SCN8A: variants seen among roughly 807,000 people sequenced by gnomAD.
The protein encoded by SCN8A is sodium channel protein type 8 subunit alpha.
In SCN8A, 30 loss-of-function variants were observed where a neutral mutation model predicts 184.1. The observed-to-expected ratio is 0.16, with a 90% CI of 0.12 to 0.22. SCN8A has a LOEUF of 0.22. SCN8A is among the 10% of genes least tolerant of loss of function. The pLI is 1.00. For missense variants in SCN8A, 1,057 were observed against 2,498.9 expected, an observed-to-expected ratio of 0.42 and a Z score of 12.30; for synonymous variants, 852 against 907.0, an observed-to-expected ratio of 0.94 and a Z score of 1.09.
Position 51,744,613 on chromosome 12 carries a change from CT to C in SCN8A, c.1999-1273del, listed in dbSNP as rs1410294336. Among the ~76,000 whole-genome samples, 693 of 137,446 alleles carry C rather than the reference CT, an allele frequency of 5.0e-3. 1 individual carries two copies. The highest frequency in any genetic ancestry group is 0.018 in the Middle Eastern group (5 of 274). The allele number at this position is 137,446 out of a possible 152,430, so 90.2% of individuals were successfully genotyped here. The stretch of plus-strand genomic sequence containing the variant: ...ATCAGTGAAACGGTCTGATGAAACA[CT>C]TTTTTTTTTTTTTTTTGAGATGAGG... On this transcript the variant is annotated intron_variant, in intron 12 of 26. Transcript: ENST00000627620.
chr12:51,692,798 G>A (rs1175662490), intron 6 of SCN8A, among the ~76,000 whole-genome samples: 2 of 152,126 alleles, frequency 1.3e-5, no homozygotes, highest in Admixed American at 6.5e-5. Context: ...AGAAAGGGTG[G>A]GAATCTCGAA....
chr12:51,711,074 C>T (rs1941867179), intron 11 of SCN8A, among the ~76,000 whole-genome samples: 1 of 152,190 alleles, frequency 6.6e-6, no homozygotes, highest in Non-Finnish European at 1.5e-5. Flanking sequence ...ATCTCACCTT[C>T]ACCTCTCCTT....
At chr12:51,773,049 G>A (rs1942953202) in intron 19 of SCN8A, among the ~76,000 whole-genome samples, 1 of 152,024 alleles carries the variant, frequency 6.6e-6, no homozygotes, top group Non-Finnish European at 1.5e-5. Context: ...CCCGGGAGGT[G>A]GAGGTTGCAG....
At chr12:51,669,105 GTAATGCA>G (rs1941087620) in intron 2 of SCN8A, among the ~76,000 whole-genome samples, 1 of 152,178 alleles carries the variant, frequency 6.6e-6, no homozygotes. Flanking sequence ...CATAGAAAAG[GTAATGCA>G]TTGTGCTATA....
At position 51,812,055 on chromosome 12, in the gene SCN8A, T is replaced by C. The variant is rs1018385844; in HGVS notation, c.*4626T>C. The C allele has an allele frequency of 4.6e-5, 7 of 151,444 alleles. No homozygotes were observed. Among genetic ancestry groups the C allele is most frequent in the Admixed American group, 3.3e-4 (5 of 15,220 alleles). 9.4% of individuals were successfully genotyped at this position (151,444 alleles called of 1,614,324 possible). A position where few individuals can be genotyped will look rare whatever the true frequency, so the allele number is the denominator to read the frequency against. On this transcript the variant is annotated 3_prime_UTR_variant, in exon 27 of 27. Transcript: ENST00000627620. ...GAGGGGCCCAAGTTTTGCAACAGAG[T>C]TTCCATTGTTCAGCTCTGTGCTTTC...
chr12:51,716,335 G>C (rs1242148791), intron 11 of SCN8A, among the ~76,000 whole-genome samples: 2 of 152,168 alleles, frequency 1.3e-5, no homozygotes, highest in East Asian at 3.8e-4. Context: ...CCAGGCAACA[G>C]AGTGAGACCC....
At chr12:51,608,640 G>A (rs1437413555) in intron 1 of SCN8A, among the ~76,000 whole-genome samples, 1 of 152,004 alleles carries the variant, frequency 6.6e-6, no homozygotes, top group African/African-American at 2.4e-5. Context: ...TCTCTTCTAG[G>A]CTAATCTTGC....
At chr12:51,639,542 G>A (rs1940395612) in intron 1 of SCN8A, among the ~76,000 whole-genome samples, 1 of 149,302 alleles carries the variant, frequency 6.7e-6, no homozygotes, top group African/African-American at 2.6e-5. Context: ...AGCCTGCCAA[G>A]TAGGTGGGAC....
At chr12:51,703,862 A>G (rs902128844) in intron 9 of SCN8A, among the ~76,000 whole-genome samples, 2 of 152,074 alleles carry the variant, frequency 1.3e-5, no homozygotes, top group African/African-American at 4.8e-5. Flanking sequence ...GAGTTCCCTC[A>G]GGTTGAATGT....
intron 2 of SCN8A, among the ~76,000 whole-genome samples, chr12:51,665,375 A>G (rs1592365403): frequency 6.6e-6 from 1 of 152,208 alleles, no homozygotes; most frequent in East Asian, 1.9e-4. Flanking sequence ...GCTTCATCAC[A>G]AGGGTAAATT....
At chr12:51,730,552 TTTTA>T (rs1224037143) in intron 12 of SCN8A, among the ~76,000 whole-genome samples, 3 of 152,166 alleles carry the variant, frequency 2.0e-5, no homozygotes, top group African/African-American at 7.2e-5. Context: ...CCTTAGAAAA[TTTTA>T]TTTAATTTCA....
intron 1 of SCN8A, among the ~76,000 whole-genome samples, chr12:51,613,303 C>T (rs973852049): frequency 6.6e-6 from 1 of 152,082 alleles, no homozygotes; most frequent in African/African-American, 2.4e-5. Flanking sequence ...TAGAACAATT[C>T]AGGTTGTCAT....
chr12:51,776,452 A>G (rs1287468953), intron 20 of SCN8A, among the ~76,000 whole-genome samples: 1 of 152,210 alleles, frequency 6.6e-6, no homozygotes, highest in Non-Finnish European at 1.5e-5. Context: ...AGTTATTAGT[A>G]AATAATATAG....
chr12:51,759,339 A>G (rs1256897344), intron 14 of SCN8A, among the ~76,000 whole-genome samples: 1 of 152,162 alleles, frequency 6.6e-6, no homozygotes, highest in Non-Finnish European at 1.5e-5. Flanking sequence ...TAAGCAATGC[A>G]TGACCATACT....
At chr12:51,699,241 A>G (rs983816483) in intron 6 of SCN8A, among the ~76,000 whole-genome samples, 1 of 152,230 alleles carries the variant, frequency 6.6e-6, no homozygotes, top group Non-Finnish European at 1.5e-5. Context: ...AACAGCAGGT[A>G]TGAAGGCCCT....
At chr12:51,780,351 C>T in intron 20 of SCN8A, 1 of 348,204 alleles carries the variant, frequency 2.9e-6, no homozygotes, top group Non-Finnish European at 5.5e-6. Flanking sequence ...TCAGCCTCTC[C>T]CCTTTTCCAA....
chr12:51,630,928 T>C (rs1210030666), intron 1 of SCN8A, among the ~76,000 whole-genome samples: 1 of 152,242 alleles, frequency 6.6e-6, no homozygotes, highest in Non-Finnish European at 1.5e-5. Flanking sequence ...AGATTCTCTT[T>C]AATGGCTCTG....
At chr12:51,749,298 A>G (rs1166099512) in intron 13 of SCN8A, among the ~76,000 whole-genome samples, 4 of 152,204 alleles carry the variant, frequency 2.6e-5, no homozygotes, top group Admixed American at 2.6e-4. Context: ...GGTGCCCTGT[A>G]GGGCAGGAAA....
intron 12 of SCN8A, among the ~76,000 whole-genome samples, chr12:51,728,722 C>G (rs973652084): frequency 8.4e-6 from 1 of 119,724 alleles, no homozygotes; most frequent in South Asian, 2.6e-4. Flanking sequence ...AGAGGAAGAC[C>G]CTGTTTCCCA....
Sources: allele counts gnomAD v4.1 joint callset (sites outside exome capture counted in the v4.1 genomes callset), GRCh38; gene constraint gnomAD v4.1.1; transcripts MANE v1.5; gene names NCBI Gene and HGNC (gene_info 2026-07-23, HGNC 2026-07-21).